The following TMCC3 variants were observed in gnomAD, a reference collection of about 807,000 sequenced individuals.
The protein encoded by TMCC3 is transmembrane and coiled-coil domain protein 3.
In TMCC3, 28 loss-of-function variants were observed where a neutral mutation model predicts 40.2. The ratio of observed to expected loss-of-function variants is 0.70; its 90% CI spans 0.52 to 0.95. TMCC3 has a LOEUF of 0.95. Among genes scored for constraint, TMCC3 ranks in the 40% least tolerant of loss-of-function variants. TMCC3 has a pLI of 0.00. For synonymous variants in TMCC3, 255 were observed against 248.5 expected, an observed-to-expected ratio of 1.03 and a Z score of -0.25; for missense variants, 554 against 615.2, an observed-to-expected ratio of 0.90 and a Z score of 1.05.
intron 1 of TMCC3, among the ~76,000 whole-genome samples, chr12:94,631,875 T>A (rs1385622481): frequency 2.0e-5 from 3 of 152,166 alleles, no homozygotes; most frequent in Non-Finnish European, 4.4e-5. Context: ...AAAAAACAGG[T>A]AAGTTCAGAA....
chr12:94,584,297 C>G (rs1048132771), intron 1 of TMCC3, among the ~76,000 whole-genome samples: 1 of 152,122 alleles, frequency 6.6e-6, no homozygotes, highest in Admixed American at 6.5e-5. Flanking sequence ...TTGCAGGCAT[C>G]CTCCTGCTTT....
rs189733740 is a variant in TMCC3 at position 94,595,343 on chromosome 12, A to C, written c.79-12805T>G. On this transcript the variant is annotated intron_variant, in intron 1 of 3. Transcript: ENST00000261226. The stretch of plus-strand genomic sequence containing the variant: ...TAATAGGGGGAATGTGGTCAACCAT[A>C]CCCAGCTCATGAACCTGCACTGCGA... Among the ~76,000 whole-genome samples the C allele has an allele frequency of 4.8e-4, 73 of 152,262 alleles. 1 individual carries two copies. The East Asian group carries it at 0.013, about 27-fold the overall frequency.
At chr12:94,601,456 T>G (rs1229753375) in intron 1 of TMCC3, among the ~76,000 whole-genome samples, 1 of 152,026 alleles carries the variant, frequency 6.6e-6, no homozygotes, top group Non-Finnish European at 1.5e-5. Flanking sequence ...AGGCGGAGAT[T>G]GCAGTGACCC....
intron 1 of TMCC3, among the ~76,000 whole-genome samples, chr12:94,615,613 C>A (rs967769004): frequency 6.6e-6 from 1 of 152,178 alleles, no homozygotes; most frequent in African/African-American, 2.4e-5. Flanking sequence ...TGGCTCTTCT[C>A]CAGCCAGTAG....
chr12:94,612,100 C>T (rs2068819654), intron 1 of TMCC3, among the ~76,000 whole-genome samples: 1 of 151,864 alleles, frequency 6.6e-6, no homozygotes. Flanking sequence ...CTGGGCTCAA[C>T]TGATCCCCCT....
intron 1 of TMCC3, among the ~76,000 whole-genome samples, chr12:94,637,424 T>C (rs571761624): frequency 5.9e-5 from 9 of 152,292 alleles, no homozygotes; most frequent in African/African-American, 1.7e-4. Flanking sequence ...ACCTATCAGA[T>C]TGGCAAGGAT....
At chr12:94,623,919 A>G (rs2068889322) in intron 1 of TMCC3, among the ~76,000 whole-genome samples, 1 of 152,266 alleles carries the variant, frequency 6.6e-6, no homozygotes, top group South Asian at 2.1e-4. Flanking sequence ...AGCTTCAAGA[A>G]ATGACTAGTA....
intron 1 of TMCC3, among the ~76,000 whole-genome samples, chr12:94,595,111 G>C (rs2068707679): frequency 6.6e-6 from 1 of 152,178 alleles, no homozygotes; most frequent in Non-Finnish European, 1.5e-5. Context: ...CAAACGTAGA[G>C]TAACTGTTAG....
intron 1 of TMCC3, among the ~76,000 whole-genome samples, chr12:94,601,002 CAT>C (rs1370292885): frequency 6.6e-6 from 1 of 152,188 alleles, no homozygotes; most frequent in African/African-American, 2.4e-5. Flanking sequence ...GAAAGAAATA[CAT>C]GTTTACCAAT....
At chr12:94,640,613 A>G (rs796706380) in intron 1 of TMCC3, among the ~76,000 whole-genome samples, 25 of 152,344 alleles carry the variant, frequency 1.6e-4, no homozygotes, top group African/African-American at 6.0e-4. Context: ...TATCAAGCAA[A>G]TAACAGTGCA....
chr12:94,573,451 T>C (rs1473016478), intron 3 of TMCC3, among the ~76,000 whole-genome samples: 1 of 152,238 alleles, frequency 6.6e-6, no homozygotes, highest in Non-Finnish European at 1.5e-5. Context: ...CTCCTTTTCA[T>C]AAAACCTTTA....
intron 1 of TMCC3, among the ~76,000 whole-genome samples, chr12:94,636,107 T>C (rs1237890792): frequency 2.6e-5 from 4 of 152,214 alleles, no homozygotes; most frequent in Admixed American, 2.6e-4. Context: ...AGTAGACATT[T>C]ATAAAAACAA....
rs1442863967 is a variant in TMCC3, at chr12:94,640,819, T to C, written c.78+9534A>G. ...CACTCCAGAGTCCATTTCCTGATGC[T>C]TCACTCTGTTGCTCAAATCCAGAGG... On this transcript the variant is annotated intron_variant, in intron 1 of 3. Transcript: ENST00000261226. 3.9e-5 allele frequency among the ~76,000 whole-genome samples: 6 copies of C among 152,348 alleles called. No homozygotes were observed. In the East Asian group the frequency reaches 1.2e-3, roughly 29 times the overall value.
intron 1 of TMCC3, among the ~76,000 whole-genome samples, chr12:94,644,692 A>G (rs772463934): frequency 2.0e-5 from 3 of 152,180 alleles, no homozygotes; most frequent in Non-Finnish European, 4.4e-5. Context: ...GGTGAAAACG[A>G]TATCTGTGTA....
intron 1 of TMCC3, among the ~76,000 whole-genome samples, chr12:94,617,237 CAGAG>C (rs987995290): frequency 1.3e-5 from 2 of 152,136 alleles, no homozygotes; most frequent in Middle Eastern, 3.2e-3. Context: ...TCCTGATGAA[CAGAG>C]AGAGAAAGGG....
In TMCC3 at chr12:94,578,485, T is replaced by C. The variant is rs760727252; in HGVS notation, c.1040A>G (p.His347Arg). 2 of 1,614,088 alleles carry C rather than the reference T, an allele frequency of 1.2e-6. No individual in the cohort carries two copies. The highest frequency in any genetic ancestry group is 2.7e-5 in the African/African-American group (2 of 74,946). ...CTTCAGGTTGGCTGTCTCATGCTGA[T>C]GCAGGTCCGTCAGGTCATGCAGCTG... is the stretch of plus-strand genomic sequence containing the variant. ...EDQLHDLTDL[H>R]QHETANLKQE... Residue 347 changes from histidine (H) to arginine (R), a missense_variant, in exon 3 of 4, where the codon CAT becomes CGT. His to Arg is a conservative substitution (Grantham distance 29). Transcript: ENST00000261226.
In TMCC3 at chr12:94,650,342, G is replaced by A. The variant is rs1415698929; in HGVS notation, c.78+11C>T. 8.5e-6 allele frequency: 11 copies of A among 1,299,506 alleles called. No individual in the cohort carries two copies. Among genetic ancestry groups the A allele is most frequent in the Non-Finnish European group, 1.1e-5 (11 of 1,020,004 alleles). 80.5% of individuals were successfully genotyped at this position (1,299,506 alleles called of 1,614,324 possible). Reference sequence around the variant, plus strand: ...GCGCGCACCCGCCGCCCCCCAGCCCGCTGCGCTCACCCGGCTCTTGCAGCG... The same window carrying A: ...GCGCGCACCCGCCGCCCCCCAGCCCACTGCGCTCACCCGGCTCTTGCAGCG... On this transcript the variant is annotated intron_variant, in intron 1 of 3. Transcript: ENST00000261226.
chr12:94,627,168 A>T (rs528163145), intron 1 of TMCC3, among the ~76,000 whole-genome samples: 15 of 152,182 alleles, frequency 9.9e-5, no homozygotes, highest in Admixed American at 9.2e-4. Context: ...ACTTATGGAA[A>T]CTGAAGCTCA....
intron 1 of TMCC3, among the ~76,000 whole-genome samples, chr12:94,624,718 A>G (rs939914928): frequency 1.8e-5 from 2 of 110,606 alleles, no homozygotes; most frequent in African/African-American, 7.3e-5. Context: ...TCTCAAAATT[A>G]AAAAAAAATA....
Sources: allele counts gnomAD v4.1 joint callset (sites outside exome capture counted in the v4.1 genomes callset), GRCh38; gene constraint gnomAD v4.1.1; transcripts MANE v1.5; gene names NCBI Gene and HGNC (gene_info 2026-07-23, HGNC 2026-07-21).